Variants in CDK17 observed in about 807,000 individuals in gnomAD.
CDK17 encodes the protein cyclin dependent kinase 17.
Under a neutral mutation model 77.6 loss-of-function variants are expected in CDK17, and 24 were observed. The observed-to-expected ratio is 0.31, with a 90% CI of 0.22 to 0.44. CDK17 has a LOEUF of 0.44. Among genes scored for constraint, CDK17 ranks in the 20% least tolerant of loss-of-function variants. CDK17 has a pLI of 1.00. For synonymous variants in CDK17, 203 were observed against 210.4 expected (o/e 0.96, Z 0.30); for missense variants, 429 against 622.5 (o/e 0.69, Z 3.31).
At chr12:96,297,579 T>C in intron 8 of CDK17, 48 bp downstream of exon 8, 2 of 1,167,826 alleles carry the variant, frequency 1.7e-6, no homozygotes, top group South Asian at 1.3e-5. Flanking sequence ...CAATTTACTA[T>C]GTTTTTCTAA....
At chr12:96,394,039 A>G (rs1427378118) in intron 1 of CDK17, among the ~76,000 whole-genome samples, 1 of 152,036 alleles carries the variant, frequency 6.6e-6, no homozygotes, top group African/African-American at 2.4e-5. Flanking sequence ...TGAGGTCAGG[A>G]GCTCAAGACC....
intron 1 of CDK17, 175 bp from the exon 2 acceptor site, chr12:96,335,040 A>C (rs1953023670): frequency 1.5e-6 from 1 of 658,234 alleles, no homozygotes; most frequent in Non-Finnish European, 2.8e-6. Flanking sequence ...ACTCCGAATA[A>C]TGCTGTATTT....
chr12:96,373,571 G>A (rs3858658), intron 1 of CDK17, among the ~76,000 whole-genome samples: 32,290 of 151,816 alleles, frequency 0.21, 4,334 homozygotes, highest in Middle Eastern at 0.32. Context: ...CCCCAGCCTA[G>A]GTGACAAGAG....
chr12:96,312,297 T>C (rs551724438), intron 4 of CDK17, among the ~76,000 whole-genome samples: 11 of 151,914 alleles, frequency 7.2e-5, no homozygotes, highest in Middle Eastern at 3.2e-3. Context: ...AAAAAATATA[T>C]ACTATAAAAA....
chr12:96,394,894 C>T (rs1404095813), intron 1 of CDK17, among the ~76,000 whole-genome samples: 2 of 150,862 alleles, frequency 1.3e-5, no homozygotes, highest in Admixed American at 6.6e-5. Context: ...TTTTTTCCCC[C>T]GAGACAGAGT....
chr12:96,357,506 T>C (rs7973333), intron 1 of CDK17, among the ~76,000 whole-genome samples: 2,220 of 152,132 alleles, frequency 0.015, 54 homozygotes, highest in African/African-American at 0.05. Context: ...ATTTTACATC[T>C]CAGTTATGTG....
At chr12:96,379,262 C>T (rs900983542) in intron 1 of CDK17, among the ~76,000 whole-genome samples, 15 of 152,146 alleles carry the variant, frequency 9.9e-5, no homozygotes, top group African/African-American at 3.6e-4. Context: ...TACTGAATTA[C>T]TGTTAAATGG....
Position 96,286,089 on chromosome 12 carries a change from T to C in CDK17, c.1276A>G (p.Asn426Asp). ...GGCTGTGGTTTATATTTTGGAAAGT[T>C]GTAGTTCTTGAACTCCTCATTTGAA... ...ISSNEEFKNYNFPKYKPQPLI... is the reference protein window; with the variant it reads ...ISSNEEFKNYDFPKYKPQPLI... Residue 426 changes from asparagine to aspartate, a missense_variant, in exon 13 of 17, where the codon AAC becomes GAC. By Grantham distance (23) the Asn-to-Asp change is conservative. Transcript: ENST00000261211. 6.4e-7 allele frequency: 1 copy of C among 1,552,210 alleles called. No homozygotes were observed. Among genetic ancestry groups the C allele is most frequent in the Non-Finnish European group, 8.7e-7 (1 of 1,146,584 alleles).
At chr12:96,293,439 T>C (rs1036338786) in intron 10 of CDK17, among the ~76,000 whole-genome samples, 11 of 152,196 alleles carry the variant, frequency 7.2e-5, no homozygotes, top group African/African-American at 2.7e-4. Context: ...TGTATCAAAA[T>C]AGATCAAATA....
Position 96,289,301 on chromosome 12 carries a change from A to G in CDK17, c.998-14T>C, listed in dbSNP as rs762714806. 2 of 1,613,646 alleles carry G rather than the reference A, an allele frequency of 1.2e-6. No homozygotes were observed. The highest frequency in any genetic ancestry group is 2.2e-5 in the South Asian group (2 of 91,066). ...CTCGGGCTAGTCCTTCATAGGGAAA[A>G]TAAAACAAAGGGTTAAGAAAAAGCT... is the stretch of plus-strand genomic sequence containing the variant. On this transcript the variant is annotated splice_polypyrimidine_tract_variant and intron_variant, in intron 10 of 16. Coordinates refer to ENST00000261211, the MANE Select transcript of CDK17 (RefSeq NM_002595.5).
intron 2 of CDK17, among the ~76,000 whole-genome samples, chr12:96,327,049 T>A (rs1207085704): frequency 6.6e-6 from 1 of 152,152 alleles, no homozygotes; most frequent in African/African-American, 2.4e-5. Context: ...AGATCTATTG[T>A]CATGATGAAA....
chr12:96,318,985 C>G (rs1435204941), intron 3 of CDK17, among the ~76,000 whole-genome samples: 5 of 147,668 alleles, frequency 3.4e-5, no homozygotes, highest in African/African-American at 1.3e-4. Flanking sequence ...CACAAAAAAC[C>G]CTTCAAAAAT....
chr12:96,285,019 T>G (rs1345094510), intron 13 of CDK17, among the ~76,000 whole-genome samples: 1 of 152,176 alleles, frequency 6.6e-6, no homozygotes, highest in African/African-American at 2.4e-5. Context: ...AGACATTCTA[T>G]GTAGTTTGCC....
chr12:96,354,555 G>A (rs1051807166), intron 1 of CDK17, among the ~76,000 whole-genome samples: 15 of 152,062 alleles, frequency 9.9e-5, no homozygotes, highest in African/African-American at 3.6e-4. Context: ...TCCAAGCCCA[G>A]CCTCATCATC....
At chr12:96,314,624 T>C (rs886823233) in intron 3 of CDK17, among the ~76,000 whole-genome samples, 18 of 152,184 alleles carry the variant, frequency 1.2e-4, no homozygotes, top group African/African-American at 4.3e-4. Flanking sequence ...CCAAGTTGTA[T>C]ACTCATATAC....
At chr12:96,372,638 T>C (rs1332909148) in intron 1 of CDK17, among the ~76,000 whole-genome samples, 1 of 152,038 alleles carries the variant, frequency 6.6e-6, no homozygotes, top group African/African-American at 2.4e-5. Context: ...AATAATCAAC[T>C]GAAAAAAAAT....
chr12:96,310,894 C>T (rs1008532939), intron 5 of CDK17, among the ~76,000 whole-genome samples, 158 bp downstream of exon 5: 2 of 151,086 alleles, frequency 1.3e-5, no homozygotes, highest in Admixed American at 1.3e-4. Context: ...CTCCAATAAA[C>T]CTTTAAGAAT....
At chr12:96,331,588 T>C (rs1466952181) in intron 2 of CDK17, among the ~76,000 whole-genome samples, 1 of 152,204 alleles carries the variant, frequency 6.6e-6, no homozygotes, top group Non-Finnish European at 1.5e-5. Context: ...TTTATAGATT[T>C]ATAACTGAGT....
At chr12:96,393,354 CA>C (rs10633197) in intron 1 of CDK17, among the ~76,000 whole-genome samples, 6,506 of 42,544 alleles carry the variant, frequency 0.15, 60 homozygotes, top group Middle Eastern at 0.41. Context: ...GGCTCCGCCT[CA>C]AAAAAAAAAA....
Sources: allele counts gnomAD v4.1 joint callset (sites outside exome capture counted in the v4.1 genomes callset), GRCh38; gene constraint gnomAD v4.1.1; transcripts MANE v1.5; gene names NCBI Gene and HGNC (gene_info 2026-07-23, HGNC 2026-07-21).